The following DYNC1H1 variants were observed in gnomAD, a reference collection of about 807,000 sequenced individuals.
The protein encoded by DYNC1H1 is cytoplasmic dynein 1 heavy chain 1.
DYNC1H1 carries 51 observed loss-of-function variants against 527.1 expected under a neutral mutation model. The observed-to-expected ratio is 0.10, with a 90% CI of 0.08 to 0.12. The LOEUF (loss-of-function observed/expected upper bound fraction) is 0.12. Ranked by LOEUF, DYNC1H1 falls within the 10% of genes least tolerant of loss-of-function variation. The pLI is 1.00. For missense variants in DYNC1H1, 2,771 were observed against 5,971.8 expected (o/e 0.46, Z 17.66); for synonymous variants, 2,189 against 2,278.8 (o/e 0.96, Z 1.12).
At chr14:101,987,661 C>A in intron 9 of DYNC1H1, 29 bp downstream of exon 9, 1 of 1,613,374 alleles carries the variant, frequency 6.2e-7, no homozygotes, top group Non-Finnish European at 8.5e-7. Context: ...TAGCATTTTC[C>A]TCCTTTTTCT....
At chr14:101,974,508 G>A (rs546406161) in intron 1 of DYNC1H1, among the ~76,000 whole-genome samples, 53 of 152,232 alleles carry the variant, frequency 3.5e-4, no homozygotes, top group Non-Finnish European at 6.3e-4. Flanking sequence ...CATACAGTAC[G>A]TTATTGCAAA....
At chr14:102,004,361 A>G (rs753631627) in intron 23 of DYNC1H1, among the ~76,000 whole-genome samples, 157 bp from the exon 24 acceptor site, 8 of 152,218 alleles carry the variant, frequency 5.3e-5, no homozygotes, top group Non-Finnish European at 1.2e-4. Context: ...ATCTTTTGCC[A>G]AGGGCTAGAA....
Position 102,010,297 on chromosome 14 carries a change from T to C in DYNC1H1, c.6243T>C (p.Ser2081=). Reference sequence around the variant, plus strand: ...CTAGACTATGCGATGAGCAGCTCTCTTCCCAAAGCCATTATGACTTCGGTC... The same window carrying C: ...CTAGACTATGCGATGAGCAGCTCTCCTCCCAAAGCCATTATGACTTCGGTC... ...PFFKLCDEQL[S]SQSHYDFGLR... Residue 2081 remains serine, a synonymous_variant, in exon 31 of 78, where the codon TCT becomes TCC. Coordinates refer to ENST00000360184, the MANE Select transcript of DYNC1H1 (RefSeq NM_001376.5). This position sits in a 1 kb window ranked among gnomAD's most constrained non-coding sequence, Gnocchi z 6.0. 1.2e-6 allele frequency: 2 copies of C among 1,614,068 alleles called. No individual in the cohort carries two copies. The highest frequency in any genetic ancestry group is 1.7e-6 in the Non-Finnish European group (2 of 1,180,028).
chr14:102,041,594 C>A lies in DYNC1H1; in HGVS notation c.11962C>A (p.His3988Asn), dbSNP rs1460055545. The A allele has an allele frequency of 1.2e-6, 2 of 1,614,140 alleles. No individual in the cohort carries two copies. The highest frequency in any genetic ancestry group is 2.2e-5 in the South Asian group (2 of 90,994). The change falls in exon 65 of 78, where the codon CAC becomes AAC. Residue 3988 changes from histidine (H) to asparagine (N), a missense_variant. Around this residue, in one of 32 missense-constraint regions of DYNC1H1, gnomAD observed 120 missense variants for 161.9 expected, o/e 0.74. Transcript: ENST00000360184. The surrounding 1 kb of genome is among the most constrained non-coding windows in gnomAD (Gnocchi z 4.5). ...TTCAGCACCCATTGGCCAGGCCATC[C>A]ACCGCCTGCTCCTGATCCAGGCTTT... ...TPATPIGQAIHRLLLIQAFRP... is the reference protein window; with the variant it reads ...TPATPIGQAINRLLLIQAFRP...
rs779885899 is a variant in DYNC1H1 at position 102,005,932 on chromosome 14, C to T, written c.5478C>T (p.Ile1826=). 6.2e-7 allele frequency: 1 copy of T among 1,614,226 alleles called. No individual in the cohort carries two copies. Among genetic ancestry groups the T allele is most frequent in the Admixed American group, 1.7e-5 (1 of 60,024 alleles). The change falls in exon 27 of 78, where the codon ATC becomes ATT. Residue 1826 remains isoleucine (I), a synonymous_variant. Transcript: ENST00000360184. This position sits in a 1 kb window ranked among gnomAD's most constrained non-coding sequence, Gnocchi z 4.0. ...VHQRDVTRSL[I]KSKIDNAKSF... is the part of the protein sequence containing the mutation. Reference sequence around the variant, plus strand: ...AGAGAGATGTTACAAGGTCCTTGATCAAAAGCAAGATTGACAACGCCAAAT... The same window carrying T: ...AGAGAGATGTTACAAGGTCCTTGATTAAAAGCAAGATTGACAACGCCAAAT...
intron 76 of DYNC1H1, 51 bp from the exon 77 acceptor site, chr14:102,050,020 T>G (rs1296934227): frequency 6.2e-7 from 1 of 1,614,062 alleles, no homozygotes. Context: ...GACTGGGGTT[T>G]GTGTAGCTGT....
At chr14:102,028,771 G>A (rs554181053) in intron 48 of DYNC1H1, 16 of 163,260 alleles carry the variant, frequency 9.8e-5, no homozygotes, top group African/African-American at 2.4e-4. Flanking sequence ...GAATCAGCAC[G>A]CTTTCTCTTT....
In DYNC1H1 at chr14:101,983,542, A is replaced by T; in HGVS notation, c.1394A>T (p.Gln465Leu). 6.2e-7 allele frequency: 1 copy of T among 1,614,234 alleles called. No individual in the cohort carries two copies. Among genetic ancestry groups the T allele is most frequent in the Non-Finnish European group, 8.5e-7 (1 of 1,180,050 alleles). ...AGGAAGCTGCAGGCCCGCCTTGACC[A>T]GATGAGAAAATTTAGACGCCAGCAT... ...AHRKLQARLD[Q>L]MRKFRRQHEQ... The change falls in exon 7 of 78, where the codon CAG (glutamine) becomes CTG (leucine). Residue 465 changes from glutamine to leucine, a missense_variant. Physicochemically the swap from Gln to Leu is moderately radical, Grantham distance 113. Around this residue, in one of 32 missense-constraint regions of DYNC1H1, gnomAD observed 264 missense variants for 619.4 expected, o/e 0.43. Transcript: ENST00000360184. This position sits in a 1 kb window ranked among gnomAD's most constrained non-coding sequence, Gnocchi z 5.3.
In DYNC1H1 at chr14:101,994,241, C is replaced by T. The variant is rs777387819; in HGVS notation, c.3073C>T (p.Arg1025Trp). The T allele has an allele frequency of 6.3e-5, 101 of 1,614,062 alleles. No individual in the cohort carries two copies. Among genetic ancestry groups the T allele is most frequent in the Admixed American group, 3.7e-4 (22 of 60,008 alleles). The change falls in exon 12 of 78, where the codon CGG becomes TGG. Residue 1025 changes from arginine (R) to tryptophan (W), a missense_variant. By Grantham distance (101) the Arg-to-Trp change is moderately radical (BLOSUM62 -3). Transcript: ENST00000360184. ...GAAATTCTATCGGAATGCTTTAACA[C>T]GGATGCCTGATGGCCCTGTTGCCCT... ...EEKFYRNALT[R>W]MPDGPVALEE... is the part of the protein sequence containing the mutation.
chr14:102,042,434 T>G lies in DYNC1H1; in HGVS notation c.12326T>G (p.Leu4109Arg). 6.2e-7 allele frequency: 1 copy of G among 1,614,172 alleles called. No individual in the cohort carries two copies. The highest frequency in any genetic ancestry group is 8.5e-7 in the Non-Finnish European group (1 of 1,180,028). The change falls in exon 68 of 78, where the codon CTG becomes CGG. Residue 4109 changes from leucine (L) to arginine (R), a missense_variant. Physicochemically the swap from Leu to Arg is moderately radical, Grantham distance 102. Transcript: ENST00000360184. The surrounding 1 kb of genome is among the most constrained non-coding windows in gnomAD (Gnocchi z 5.7). ...CTGGCCCCAGGGTGGCTGATGCAGCTGGAGAAGAAGTTGCATTCCCTGCAG... is the reference window on the plus strand; with the variant it reads ...CTGGCCCCAGGGTGGCTGATGCAGCGGGAGAAGAAGTTGCATTCCCTGCAG... ...VHLAPGWLMQ[L>R]EKKLHSLQPH...
chr14:102,042,817 G>A lies in DYNC1H1; in HGVS notation c.12513+69G>A, dbSNP rs1376849842. On this transcript the variant is annotated intron_variant, in intron 69 of 77. Transcript: ENST00000360184. This position sits in a 1 kb window ranked among gnomAD's most constrained non-coding sequence, Gnocchi z 5.7. ...AAGCCCAGTCCCATCACCAAATGCA[G>A]AAGTGGGTCCCTGGGCCCCCGGAAG... The A allele has an allele frequency of 6.4e-7, 1 of 1,567,116 alleles. No homozygotes were observed. Among genetic ancestry groups the A allele is most frequent in the Admixed American group, 1.8e-5 (1 of 55,900 alleles).
Position 102,050,323 on chromosome 14 carries a change from AT to A in DYNC1H1, c.13813-109del, listed in dbSNP as rs1487328863. On this transcript the variant is annotated intron_variant, in intron 77 of 77. Coordinates refer to ENST00000360184, the MANE Select transcript of DYNC1H1 (RefSeq NM_001376.5). ...GAAATGAGGTTCACAGAGGAAATCC[AT>A]TTCGCACCTGTCCAAACCTCTCCTT... 10 of 1,610,838 alleles carry A rather than the reference AT, an allele frequency of 6.2e-6. No homozygotes were observed. The South Asian group carries it at 8.8e-5, about 14-fold the overall frequency.
intron 51 of DYNC1H1, 58 bp downstream of exon 51, chr14:102,030,340 C>G: frequency 6.2e-7 from 1 of 1,613,014 alleles, no homozygotes. Context: ...GTCAACATTA[C>G]TGTGGAGTTC....
At position 102,017,167 on chromosome 14, in the gene DYNC1H1, G is replaced by C. The variant is rs1332178277; in HGVS notation, c.7928G>C (p.Arg2643Pro). ...KTFDHYCEYR[R>P]TPNGVVLAPV... ...TTTGATCACTACTGCGAGTACAGGC[G>C]CACACCTAATGGGGTGGTTTTGGCT... Residue 2643 changes from arginine (R) to proline (P), a missense_variant, in exon 39 of 78, where the codon CGC becomes CCC. Physicochemically the swap from Arg to Pro is moderately radical, Grantham distance 103. Coordinates refer to ENST00000360184, the MANE Select transcript of DYNC1H1 (RefSeq NM_001376.5). The surrounding 1 kb of genome is among the most constrained non-coding windows in gnomAD (Gnocchi z 4.6). The C allele has an allele frequency of 6.2e-7, 1 of 1,614,106 alleles. No individual in the cohort carries two copies. Among genetic ancestry groups the C allele is most frequent in the African/African-American group, 1.3e-5 (1 of 74,942 alleles).
Position 102,051,864 on chromosome 14 carries a change from T to C in DYNC1H1, c.*1301T>C, listed in dbSNP as rs1036416346. On this transcript the variant is annotated 3_prime_UTR_variant, in exon 78 of 78. Coordinates refer to ENST00000360184, the MANE Select transcript of DYNC1H1 (RefSeq NM_001376.5). ...CCACCATGCCCAGCTAATTACTATA[T>C]TTTTAGTAGAGACAGGGCTTCACCG... is the stretch of plus-strand genomic sequence containing the variant. 1 of 151,984 alleles carries C rather than the reference T, an allele frequency of 6.6e-6. No individual in the cohort carries two copies. Among genetic ancestry groups the C allele is most frequent in the Non-Finnish European group, 1.5e-5 (1 of 68,022 alleles). The allele number at this position is 151,984 out of a possible 1,614,324, so 9.4% of individuals were successfully genotyped here.
At chr14:102,048,172 C>T (rs2048753423) in intron 73 of DYNC1H1, 144 bp downstream of exon 73, 5 of 1,109,534 alleles carry the variant, frequency 4.5e-6, no homozygotes, top group Admixed American at 2.1e-5. Flanking sequence ...AGGTGTCCAG[C>T]TGAGCCCAGG....
At position 101,965,022 on chromosome 14, in the gene DYNC1H1, C is replaced by G; in HGVS notation, c.256+75C>G. 1 of 1,468,362 alleles carries G rather than the reference C, an allele frequency of 6.8e-7. No individual in the cohort carries two copies. The highest frequency in any genetic ancestry group is 2.5e-5 in the East Asian group (1 of 40,388). The allele number at this position is 1,468,362 out of a possible 1,614,324, so 91.0% of individuals were successfully genotyped here. ...CAGGGCCTGCCAGGTCCTCCGGGGT[C>G]GCAGATGTCCCCGGGATGGGAGGAG... On this transcript the variant is annotated intron_variant, in intron 1 of 77. Coordinates refer to ENST00000360184, the MANE Select transcript of DYNC1H1 (RefSeq NM_001376.5). The surrounding 1 kb of genome is among the most constrained non-coding windows in gnomAD (Gnocchi z 4.1).
chr14:101,993,664 A>G (rs554845633), intron 11 of DYNC1H1, among the ~76,000 whole-genome samples: 2 of 151,944 alleles, frequency 1.3e-5, no homozygotes, highest in South Asian at 2.1e-4. Flanking sequence ...GTTTCTCGCA[A>G]TTCTCCCCTT....
rs79736852 is a variant in DYNC1H1, at chr14:102,028,873, A to G, written c.9469-666A>G. 5.9e-3 allele frequency: 962 copies of G among 162,042 alleles called. 9 individuals are homozygous for G. The highest frequency in any genetic ancestry group is 0.022 in the African/African-American group (934 of 41,620). The allele number at this position is 162,042 out of a possible 1,614,324, so 10.0% of individuals were successfully genotyped here. A position where few individuals can be genotyped will look rare whatever the true frequency, so the allele number is the denominator to read the frequency against. On this transcript the variant is annotated intron_variant, in intron 48 of 77. Transcript: ENST00000360184. ...CTGCCATTGTAGGGCAAAAGCCTCC[A>G]GAGACCATATATAAATGAATGGGTG...
Sources: allele counts gnomAD v4.1 joint callset (sites outside exome capture counted in the v4.1 genomes callset), GRCh38; gene constraint gnomAD v4.1.1; regional missense constraint gnomAD v4.1.1; non-coding constraint Gnocchi (gnomAD v3.1); transcripts MANE v1.5; gene names NCBI Gene and HGNC (gene_info 2026-07-23, HGNC 2026-07-21).